The following RAPGEF4 variants were observed in gnomAD, a reference collection of about 807,000 sequenced individuals.
RAPGEF4 encodes RAP guanine-nucleotide-exchange factor (GEF) 4.
Under a neutral mutation model 147.9 loss-of-function variants are expected in RAPGEF4, and 66 were observed. That is an observed-to-expected ratio of 0.45 (90% CI 0.37 to 0.55). The LOEUF (loss-of-function observed/expected upper bound fraction) is 0.55, where lower values mean the gene tolerates loss of function less well. Ranked by LOEUF, RAPGEF4 falls within the 20% of genes least tolerant of loss-of-function variation. The pLI is 0.00. For synonymous variants in RAPGEF4, 419 were observed against 442.7 expected (o/e 0.95, Z 0.67); for missense variants, 1,071 against 1,257.3 (o/e 0.85, Z 2.24).
intron 1 of RAPGEF4, among the ~76,000 whole-genome samples, chr2:172,747,379 G>A (rs2149433567): frequency 6.6e-6 from 1 of 152,268 alleles, no homozygotes; most frequent in South Asian, 2.1e-4. Flanking sequence ...TACTCTCTTA[G>A]CAAATTGCAG....
intron 1 of RAPGEF4, among the ~76,000 whole-genome samples, chr2:172,773,655 G>A (rs1683871016): frequency 1.1e-5 from 1 of 93,790 alleles, no homozygotes; most frequent in Non-Finnish European, 2.2e-5. Flanking sequence ...CCCCCCCCGC[G>A]GACCATCCTA....
intron 28 of RAPGEF4, 36 bp from the exon 29 acceptor site, chr2:173,036,592 A>G (rs1400836782): frequency 1.3e-6 from 2 of 1,487,194 alleles, no homozygotes; most frequent in African/African-American, 1.4e-5. Context: ...ACATATTTCC[A>G]TTAGTGATTA....
chr2:172,849,595 C>G (rs536768926), intron 4 of RAPGEF4, among the ~76,000 whole-genome samples: 1 of 152,192 alleles, frequency 6.6e-6, no homozygotes, highest in Non-Finnish European at 1.5e-5. Flanking sequence ...AGCCTGCATC[C>G]TAATTTACTA....
chr2:172,870,669 C>CAGCAT, intron 4 of RAPGEF4, among the ~76,000 whole-genome samples: 1 of 152,092 alleles, frequency 6.6e-6, no homozygotes, highest in African/African-American at 2.4e-5. Flanking sequence ...TCAGTTTGAC[C>CAGCAT]ATGACTATCA....
At chr2:173,001,993 CAAAAAA>C (rs11397728) in intron 17 of RAPGEF4, among the ~76,000 whole-genome samples, 7 of 79,320 alleles carry the variant, frequency 8.8e-5, no homozygotes, top group Middle Eastern at 8.3e-3. Context: ...GTGATGCTGG[CAAAAAA>C]AAAAAAAAAA....
At position 173,014,471 on chromosome 2, in the gene RAPGEF4, G is replaced by A. The variant is rs758943183; in HGVS notation, c.1666G>A (p.Ala556Thr). Residue 556 changes from alanine to threonine, a missense_variant, in exon 18 of 31, where the codon GCA becomes ACA. Coordinates refer to ENST00000397081, the MANE Select transcript of RAPGEF4 (RefSeq NM_007023.4). ...TCCTTGACTCCTCGGCACCTACCACGCACAGCCTTCACAAGGTACAGAACA... is the reference window on the plus strand; with the variant it reads ...TCCTTGACTCCTCGGCACCTACCACACACAGCCTTCACAAGGTACAGAACA... Reference protein sequence around the residue: ...LCPALVAHYHAQPSQGTEQEK... With the variant: ...LCPALVAHYHTQPSQGTEQEK... The A allele has an allele frequency of 3.1e-6, 5 of 1,613,588 alleles. No homozygotes were observed. Among genetic ancestry groups the A allele is most frequent in the Non-Finnish European group, 4.2e-6 (5 of 1,179,814 alleles).
intron 4 of RAPGEF4, among the ~76,000 whole-genome samples, chr2:172,819,471 T>TTTTTTTG (rs1688840130): frequency 7.9e-6 from 1 of 126,340 alleles, no homozygotes; most frequent in Non-Finnish European, 1.7e-5. Flanking sequence ...CTTTTTTTTT[T>TTTTTTTG]TTTTTTTTTT....
At chr2:172,894,364 A>G (rs1698259406) in intron 4 of RAPGEF4, 1 of 152,200 alleles carries the variant, frequency 6.6e-6, no homozygotes, top group Non-Finnish European at 1.5e-5. Flanking sequence ...CTGGCCAGAG[A>G]TTCCCTTTGC....
At chr2:172,990,130 A>C (rs913160418) in intron 14 of RAPGEF4, among the ~76,000 whole-genome samples, 1 of 152,144 alleles carries the variant, frequency 6.6e-6, no homozygotes, top group Non-Finnish European at 1.5e-5. Context: ...TTTTTAAATG[A>C]GGGCCAAATG....
At chr2:172,739,552 A>G (rs1694122741) in intron 1 of RAPGEF4, among the ~76,000 whole-genome samples, 1 of 151,800 alleles carries the variant, frequency 6.6e-6, no homozygotes, top group Non-Finnish European at 1.5e-5. Context: ...TTGTATTTTT[A>G]TAGAGACAGG....
At position 172,965,628 on chromosome 2, in the gene RAPGEF4, G is replaced by A. The variant is rs1354085332; in HGVS notation, c.765G>A (p.Arg255=). The A allele has an allele frequency of 6.2e-7, 1 of 1,614,134 alleles. No homozygotes were observed. Among genetic ancestry groups the A allele is most frequent in the Non-Finnish European group, 8.5e-7 (1 of 1,180,000 alleles). ...MMQQTPCVHS[R]TQAVGMWQVL... ...AGCAGACACCATGTGTTCACTCCCG[G>A]ACTCAAGCTGTTGGCATGTGGCAAG... The change falls in exon 9 of 31, where the codon CGG becomes CGA. Residue 255 remains arginine, a synonymous_variant. Coordinates refer to ENST00000397081, the MANE Select transcript of RAPGEF4 (RefSeq NM_007023.4).
At chr2:172,791,590 A>T (rs1685830137) in intron 1 of RAPGEF4, among the ~76,000 whole-genome samples, 1 of 152,210 alleles carries the variant, frequency 6.6e-6, no homozygotes, top group Middle Eastern at 3.2e-3. Context: ...TTAATGACAG[A>T]TAGAAGGTTG....
intron 4 of RAPGEF4, among the ~76,000 whole-genome samples, chr2:172,815,810 T>G (rs1161321248): frequency 6.6e-6 from 1 of 152,208 alleles, no homozygotes. Flanking sequence ...GAGCCCTTAG[T>G]GCTGAGAAGG....
chr2:173,034,862 G>A (rs1050908654), intron 27 of RAPGEF4, among the ~76,000 whole-genome samples: 6 of 132,002 alleles, frequency 4.5e-5, no homozygotes, highest in African/African-American at 1.8e-4. Flanking sequence ...GACAGAGTGC[G>A]ACCCCGTCTC....
chr2:172,969,738 G>C (rs570265931), intron 10 of RAPGEF4, among the ~76,000 whole-genome samples: 1 of 152,312 alleles, frequency 6.6e-6, no homozygotes, highest in East Asian at 1.9e-4. Context: ...TGTATGCTAG[G>C]AACATTCATG....
At chr2:172,895,306 C>G (rs1381704816) in intron 4 of RAPGEF4, among the ~76,000 whole-genome samples, 1 of 152,150 alleles carries the variant, frequency 6.6e-6, no homozygotes, top group East Asian at 1.9e-4. Flanking sequence ...AAAAGTTTGG[C>G]TTTTTGGAAC....
chr2:172,953,031 C>T (rs560604008), intron 6 of RAPGEF4, among the ~76,000 whole-genome samples: 20 of 152,118 alleles, frequency 1.3e-4, no homozygotes, highest in Middle Eastern at 3.4e-3. Flanking sequence ...TTCCTGGAAG[C>T]GCTTCCTTCG....
intron 4 of RAPGEF4, among the ~76,000 whole-genome samples, chr2:172,878,283 C>A (rs563137528): frequency 9.2e-5 from 14 of 152,280 alleles, no homozygotes; most frequent in African/African-American, 3.4e-4. Flanking sequence ...TCTCTTCTAT[C>A]TTTTTCCCAC....
At chr2:172,980,500 A>G (rs575232852) in intron 10 of RAPGEF4, among the ~76,000 whole-genome samples, 10 of 152,318 alleles carry the variant, frequency 6.6e-5, no homozygotes, top group Admixed American at 2.0e-4. Flanking sequence ...ATTGAGGAGA[A>G]ATGTTCAATA....
Sources: allele counts gnomAD v4.1 joint callset (sites outside exome capture counted in the v4.1 genomes callset), GRCh38; gene constraint gnomAD v4.1.1; transcripts MANE v1.5; gene names NCBI Gene and HGNC (gene_info 2026-07-23, HGNC 2026-07-21).